The following UNC13A variants were observed in gnomAD, a reference collection of about 807,000 sequenced individuals.
The protein encoded by UNC13A is protein unc-13 homolog A.
A neutral mutation model predicts 219.7 loss-of-function variants in UNC13A; 61 were observed. The ratio of observed to expected loss-of-function variants is 0.28; its 90% CI spans 0.23 to 0.34. The LOEUF (loss-of-function observed/expected upper bound fraction) is 0.34, where lower values mean the gene tolerates loss of function less well. Among genes scored for constraint, UNC13A ranks in the 10% least tolerant of loss-of-function variants. The pLI is 1.00. For missense variants in UNC13A, 1,476 were observed against 2,270.3 expected (o/e 0.65, Z 7.11); for synonymous variants, 920 against 884.6 (o/e 1.04, Z -0.71).
At chr19:17,645,494 C>T (rs545906451) in intron 19 of UNC13A, among the ~76,000 whole-genome samples, 180 bp downstream of exon 19, 10 of 152,216 alleles carry the variant, frequency 6.6e-5, no homozygotes, top group African/African-American at 1.2e-4. Flanking sequence ...GCTCACCCTC[C>T]TGGCCTGGGT....
intron 6 of UNC13A, among the ~76,000 whole-genome samples, chr19:17,667,422 C>A (rs544137536): frequency 1.1e-4 from 17 of 152,218 alleles, no homozygotes; most frequent in African/African-American, 4.1e-4. Context: ...GTGTAACAAA[C>A]CTGCACATGT....
At chr19:17,616,752 G>A (rs1290420549) in intron 41 of UNC13A, among the ~76,000 whole-genome samples, 1 of 152,180 alleles carries the variant, frequency 6.6e-6, no homozygotes, top group Non-Finnish European at 1.5e-5. Context: ...GAGGGCCCTT[G>A]GGCTGGCTGG....
intron 1 of UNC13A, among the ~76,000 whole-genome samples, chr19:17,682,337 C>T (rs1227721444): frequency 6.6e-6 from 1 of 152,172 alleles, no homozygotes; most frequent in East Asian, 1.9e-4. Context: ...CTGCAAGCCT[C>T]ATTAGAGAGT....
At chr19:17,669,502 G>A (rs1342249058) in intron 5 of UNC13A, 51 bp downstream of exon 5, 3 of 1,597,830 alleles carry the variant, frequency 1.9e-6, no homozygotes, top group Non-Finnish European at 2.6e-6. Context: ...AGCTGAGTGA[G>A]TCCACAACTG....
intron 31 of UNC13A, among the ~76,000 whole-genome samples, chr19:17,628,792 A>G (rs1001168417): frequency 1.3e-5 from 2 of 151,764 alleles, no homozygotes; most frequent in African/African-American, 4.8e-5. Flanking sequence ...ACGAAACACA[A>G]TCACACAGAT....
At chr19:17,636,278 G>C in intron 25 of UNC13A, 121 bp from the exon 26 acceptor site, 1 of 1,232,952 alleles carries the variant, frequency 8.1e-7, no homozygotes, top group Non-Finnish European at 1.1e-6. Flanking sequence ...GTATGGTTCA[G>C]GTAAGAAATC....
chr19:17,614,180 T>A (rs537119188), intron 41 of UNC13A: 10 of 151,796 alleles, frequency 6.6e-5, no homozygotes, highest in African/African-American at 2.2e-4. Flanking sequence ...TAATTTTTGT[T>A]ATTTTTAGTA....
At chr19:17,641,265 G>A (rs754424649) in intron 21 of UNC13A, 128 bp downstream of exon 21, 53 of 1,200,336 alleles carry the variant, frequency 4.4e-5, no homozygotes, top group Non-Finnish European at 5.5e-5. Context: ...GGGGAATTAC[G>A]GAACCCACCA....
In UNC13A at chr19:17,630,875, C is replaced by A; in HGVS notation, c.3429-125G>T. On this transcript the variant is annotated intron_variant, in intron 28 of 43. Transcript: ENST00000519716. ...CCTGCTCTGCCTGGAGCTCTCCCTG[C>A]AGCCTTGAGTGGCTGCTCCTCTGCT... 3 of 808,118 alleles carry A rather than the reference C, an allele frequency of 3.7e-6. No homozygotes were observed. The South Asian group carries it at 5.3e-5, about 14-fold the overall frequency. 50.1% of individuals were successfully genotyped at this position (808,118 alleles called of 1,614,324 possible). A position where few individuals can be genotyped will look rare whatever the true frequency, so the allele number is the denominator to read the frequency against.
In UNC13A at chr19:17,647,313, T is replaced by C. The variant is rs1422244326; in HGVS notation, c.1996A>G (p.Ser666Gly). The C allele has an allele frequency of 6.2e-7, 1 of 1,608,894 alleles. No homozygotes were observed. Among genetic ancestry groups the C allele is most frequent in the African/African-American group, 1.3e-5 (1 of 74,820 alleles). The change falls in exon 17 of 44, where the codon AGC becomes GGC. Residue 666 changes from serine to glycine, a missense_variant. Ser to Gly is a moderately conservative substitution (Grantham distance 56, BLOSUM62 0). Coordinates refer to ENST00000519716, the MANE Select transcript of UNC13A (RefSeq NM_001080421.3). ...CACTTGGACGTGCCGTCCAGCACGCTCTGCTTGACCGCCTTCATCTGCTGC... is the reference window on the plus strand; with the variant it reads ...CACTTGGACGTGCCGTCCAGCACGCCCTGCTTGACCGCCTTCATCTGCTGC... ...HTQQMKAVKQ[S>G]VLDGTSKWSA... is the part of the protein sequence containing the mutation.
intron 26 of UNC13A, among the ~76,000 whole-genome samples, chr19:17,633,766 CATTCATCCAACT>C (rs1196590798): frequency 2.0e-5 from 3 of 151,710 alleles, no homozygotes; most frequent in Non-Finnish European, 4.4e-5. Flanking sequence ...CTCATTCACT[CATTCATCCAACT>C]ATTCATCCAT....
Position 17,649,382 on chromosome 19 carries a change from A to G in UNC13A, c.1519-38T>C. On this transcript the variant is annotated intron_variant, in intron 13 of 43. Coordinates refer to ENST00000519716, the MANE Select transcript of UNC13A (RefSeq NM_001080421.3). This position sits in a 1 kb window ranked among gnomAD's most constrained non-coding sequence, Gnocchi z 4.4. Reference sequence around the variant, plus strand: ...CGCAGCACATGGGGGTAGAAATCAGACTACATTAGTCTCAGAGAATGCCTA... The same window carrying G: ...CGCAGCACATGGGGGTAGAAATCAGGCTACATTAGTCTCAGAGAATGCCTA... 1 of 1,610,376 alleles carries G rather than the reference A, an allele frequency of 6.2e-7. No homozygotes were observed. Among genetic ancestry groups the G allele is most frequent in the Non-Finnish European group, 8.5e-7 (1 of 1,178,930 alleles).
intron 31 of UNC13A, 164 bp from the exon 32 acceptor site, chr19:17,628,104 C>A: frequency 1.5e-6 from 1 of 657,086 alleles, no homozygotes. Flanking sequence ...TGCTCAGGTT[C>A]CTGGGCGTGT....
At chr19:17,626,021 T>G (rs1478739213) in intron 34 of UNC13A, among the ~76,000 whole-genome samples, 1 of 150,066 alleles carries the variant, frequency 6.7e-6, no homozygotes, top group Non-Finnish European at 1.5e-5. Context: ...ATCCAAATAT[T>G]TATCCACCTA....
chr19:17,643,847 C>T (rs906545058), intron 19 of UNC13A, among the ~76,000 whole-genome samples: 1 of 149,598 alleles, frequency 6.7e-6, no homozygotes, highest in South Asian at 2.1e-4. Context: ...CTGCCTCCCC[C>T]ATCAGATCAT....
chr19:17,653,329 AATAT>A (rs58439414), intron 11 of UNC13A, among the ~76,000 whole-genome samples: 1 of 148,502 alleles, frequency 6.7e-6, no homozygotes, highest in African/African-American at 2.5e-5. Flanking sequence ...TCCTGAAATA[AATAT>A]ATATATATAT....
chr19:17,645,009 C>CTTTTT (rs3049769), intron 19 of UNC13A, among the ~76,000 whole-genome samples: 1 of 126,608 alleles, frequency 7.9e-6, no homozygotes, highest in Admixed American at 8.2e-5. Context: ...AGCCTGGATT[C>CTTTTT]TTTTTTTTTT....
intron 28 of UNC13A, 128 bp from the exon 29 acceptor site, chr19:17,630,878 C>T: frequency 1.3e-6 from 1 of 764,786 alleles, no homozygotes; most frequent in Admixed American, 2.9e-5. Flanking sequence ...CTCCCTGCAG[C>T]CTTGAGTGGC....
chr19:17,625,844 T>A (rs2076776733), intron 34 of UNC13A, among the ~76,000 whole-genome samples: 1 of 149,940 alleles, frequency 6.7e-6, no homozygotes, highest in South Asian at 2.2e-4. Flanking sequence ...CAACCATCCA[T>A]TCATCCATCC....
Sources: gnomAD v4.1 joint callset for allele counts (sites outside exome capture counted in the v4.1 genomes callset) on GRCh38, gnomAD v4.1.1 for gene constraint, Gnocchi (gnomAD v3.1) non-coding constraint, MANE v1.5 for transcripts, NCBI Gene and HGNC (gene_info 2026-07-23, HGNC 2026-07-21) for gene names.